Variants in TLN2 observed in about 807,000 individuals in gnomAD.
The protein encoded by TLN2 is talin 2.
TLN2 carries 118 observed loss-of-function variants against 294.7 expected under a neutral mutation model. The ratio of observed to expected loss-of-function variants is 0.40; its 90% CI spans 0.34 to 0.47. The LOEUF is 0.47. Ranked by LOEUF, TLN2 falls within the 20% of genes least tolerant of loss-of-function variation. The pLI, the probability that TLN2 is intolerant of heterozygous loss-of-function variation, is 0.84. For missense variants in TLN2, 3,083 were observed against 3,282.2 expected (o/e 0.94, Z 1.48); for synonymous variants, 1,431 against 1,304.5 (o/e 1.10, Z -2.09).
In TLN2 at chr15:62,642,925, C is replaced by T. The variant is rs2051311350; in HGVS notation, c.-36-4350C>T. On this transcript the variant is annotated intron_variant, in intron 3 of 58. Transcript: ENST00000636159. ...CCATGTTGGCCAGGCTGGTCTTGAA[C>T]TCCTGACCTCAGGTGATCTGCCCAA... 5.9e-5 allele frequency among the ~76,000 whole-genome samples: 9 copies of T among 152,304 alleles called. No individual in the cohort carries two copies. The South Asian group carries it at 1.9e-3, about 32-fold the overall frequency.
intron 45 of TLN2, among the ~76,000 whole-genome samples, chr15:62,789,835 A>C (rs912237639): frequency 5.3e-5 from 8 of 152,200 alleles, no homozygotes; most frequent in Admixed American, 2.0e-4. Context: ...GTTTGCCCCT[A>C]GTGTCACTTT....
intron 1 of TLN2, among the ~76,000 whole-genome samples, chr15:62,473,879 A>C (rs1019995097): frequency 2.0e-5 from 3 of 152,210 alleles, no homozygotes; most frequent in Non-Finnish European, 4.4e-5. Context: ...GGATCACCTG[A>C]GGTCAGGAGT....
intron 3 of TLN2, among the ~76,000 whole-genome samples, chr15:62,631,621 T>TCC (rs1309184860): frequency 6.4e-5 from 9 of 140,932 alleles, no homozygotes; most frequent in African/African-American, 2.4e-4. Context: ...CTCCCTTCCC[T>TCC]CCTCCCTCCC....
intron 1 of TLN2, among the ~76,000 whole-genome samples, chr15:62,567,654 G>A (rs1250020404): frequency 6.6e-6 from 1 of 152,114 alleles, no homozygotes. Context: ...GACAAACATA[G>A]CAAAACCCCG....
At chr15:62,741,026 A>G (rs1408534551) in intron 32 of TLN2, among the ~76,000 whole-genome samples, 1 of 152,236 alleles carries the variant, frequency 6.6e-6, no homozygotes, top group African/African-American at 2.4e-5. Flanking sequence ...CGTAAGGTCC[A>G]TTTTGACTTG....
chr15:62,483,230 G>T (rs1243804717), intron 1 of TLN2, among the ~76,000 whole-genome samples: 1 of 152,142 alleles, frequency 6.6e-6, no homozygotes, highest in Non-Finnish European at 1.5e-5. Flanking sequence ...CATTCTGCAG[G>T]CATCTCTGGC....
In TLN2 at chr15:62,636,053, G is replaced by T. The variant is rs2050350068; in HGVS notation, c.-36-11222G>T. On this transcript the variant is annotated intron_variant, in intron 3 of 58. Transcript: ENST00000636159. ...AGGATTCAGTGCCTTAACATAAAAAGGGCTTAGCATCAGTGCCAGGCGCGT... is the reference window on the plus strand; with the variant it reads ...AGGATTCAGTGCCTTAACATAAAAATGGCTTAGCATCAGTGCCAGGCGCGT... 2.0e-5 allele frequency among the ~76,000 whole-genome samples: 3 copies of T among 152,214 alleles called. No homozygotes were observed. In the South Asian group the frequency reaches 6.2e-4, roughly 32 times the overall value.
At chr15:62,570,948 G>C (rs1198572237) in intron 1 of TLN2, among the ~76,000 whole-genome samples, 1 of 138,638 alleles carries the variant, frequency 7.2e-6, no homozygotes, top group Non-Finnish European at 1.6e-5. Flanking sequence ...TGTGTGTAGG[G>C]AGGAGTGGCA....
At chr15:62,678,990 G>A (rs2056527148) in intron 11 of TLN2, among the ~76,000 whole-genome samples, 1 of 149,796 alleles carries the variant, frequency 6.7e-6, no homozygotes, top group South Asian at 2.1e-4. Context: ...ACTATGACTT[G>A]TAGCTATGAT....
At chr15:62,553,779 A>G (rs1256593620) in intron 1 of TLN2, among the ~76,000 whole-genome samples, 3 of 152,202 alleles carry the variant, frequency 2.0e-5, no homozygotes, top group South Asian at 2.1e-4. Context: ...GTTATTGCAT[A>G]TAATTTAGGT....
intron 54 of TLN2, among the ~76,000 whole-genome samples, chr15:62,821,770 G>C (rs1312393194): frequency 1.3e-5 from 2 of 152,200 alleles, no homozygotes; most frequent in African/African-American, 4.8e-5. Context: ...TGGGTTGCCT[G>C]ATATTGTCAG....
rs762468551 is a variant in TLN2, at chr15:62,725,004, T to A, written c.3155T>A (p.Ile1052Asn). Residue 1052 changes from isoleucine (I) to asparagine (N), a missense_variant, in exon 27 of 59, where the codon ATC (isoleucine) becomes AAC (asparagine). Transcript: ENST00000636159. Reference protein sequence around the residue: ...KAHEACGPMEIDSALNTVQTL... With the variant: ...KAHEACGPMENDSALNTVQTL... ...CATGAAGCTTGTGGTCCGATGGAAA[T>A]CGATTCAGCTCTGAATACGGTGCAG... The A allele has an allele frequency of 1.9e-6, 3 of 1,612,816 alleles. No homozygotes were observed. The East Asian group carries it at 6.7e-5, about 36-fold the overall frequency.
chr15:62,715,576 C>T (rs2059712783), intron 22 of TLN2, among the ~76,000 whole-genome samples: 2 of 152,192 alleles, frequency 1.3e-5, no homozygotes, highest in African/African-American at 4.8e-5. Context: ...AAATAAAATC[C>T]ACTTAGATTT....
chr15:62,844,298 G>A lies in TLN2; in HGVS notation c.*3688G>A, dbSNP rs920787174. 6.6e-6 allele frequency: 1 copy of A among 152,038 alleles called. No homozygotes were observed. The highest frequency in any genetic ancestry group is 6.6e-5 in the Admixed American group (1 of 15,254). The allele number at this position is 152,038 out of a possible 1,614,324, so 9.4% of individuals were successfully genotyped here. A position where few individuals can be genotyped will look rare whatever the true frequency, so the allele number is the denominator to read the frequency against. On this transcript the variant is annotated 3_prime_UTR_variant, in exon 59 of 59. Coordinates refer to ENST00000636159, the MANE Select transcript of TLN2 (RefSeq NM_015059.3). ...TCATGTTTATGGTCACTACGGATGA[G>A]TGTGTGCAGAGTTTGGGTTGATTCT...
intron 32 of TLN2, among the ~76,000 whole-genome samples, chr15:62,748,008 G>T (rs531406432): frequency 1.5e-4 from 23 of 152,192 alleles, no homozygotes; most frequent in African/African-American, 5.3e-4. Context: ...AGAGGTGGAA[G>T]GGGAGAAAGG....
At chr15:62,744,016 G>T (rs2061476964) in intron 32 of TLN2, among the ~76,000 whole-genome samples, 1 of 152,152 alleles carries the variant, frequency 6.6e-6, no homozygotes, top group African/African-American at 2.4e-5. Context: ...CGAGAAGAGT[G>T]CATTTGCTCC....
chr15:62,770,709 C>T (rs1191342226), intron 41 of TLN2, among the ~76,000 whole-genome samples: 3 of 151,930 alleles, frequency 2.0e-5, no homozygotes, highest in African/African-American at 4.8e-5. Flanking sequence ...ATTCTCATAT[C>T]TAACTCTGGA....
At chr15:62,689,007 T>C (rs1322297041) in intron 12 of TLN2, among the ~76,000 whole-genome samples, 2 of 152,044 alleles carry the variant, frequency 1.3e-5, no homozygotes, top group Admixed American at 6.6e-5. Context: ...ATTATTGATA[T>C]GTTAGGGCCC....
chr15:62,419,741 GTCC>G (rs2034285046), intron 1 of TLN2, among the ~76,000 whole-genome samples: 1 of 151,878 alleles, frequency 6.6e-6, no homozygotes, highest in South Asian at 2.1e-4. Flanking sequence ...GGCTCAAGCT[GTCC>G]TCCTGCGTCA....
Sources: gnomAD v4.1 joint callset for allele counts (sites outside exome capture counted in the v4.1 genomes callset) on GRCh38, gnomAD v4.1.1 for gene constraint, MANE v1.5 for transcripts, NCBI Gene and HGNC (gene_info 2026-07-23, HGNC 2026-07-21) for gene names.